Variants in ADAMTS17 observed in about 807,000 individuals in gnomAD.
The protein encoded by ADAMTS17 is ADAM metallopeptidase with thrombospondin type 1 motif 17.
ADAMTS17 carries 113 observed loss-of-function variants against 141.5 expected under a neutral mutation model. That is an observed-to-expected ratio of 0.80 (90% CI 0.69 to 0.93). ADAMTS17 has a LOEUF of 0.93. Among genes scored for constraint, ADAMTS17 ranks in the 40% least tolerant of loss-of-function variants. ADAMTS17 has a pLI of 0.00. For synonymous variants in ADAMTS17, 768 were observed against 630.6 expected, an observed-to-expected ratio of 1.22 and a Z score of -3.27; for missense variants, 1,659 against 1,517.9, an observed-to-expected ratio of 1.09 and a Z score of -1.54.
chr15:100,195,346 C>G (rs559586718), intron 8 of ADAMTS17, among the ~76,000 whole-genome samples: 1 of 152,148 alleles, frequency 6.6e-6, no homozygotes, highest in African/African-American at 2.4e-5. Context: ...AGCTGTTAAT[C>G]GAATGAATCC....
chr15:100,095,727 G>A (rs2035716450), intron 15 of ADAMTS17, among the ~76,000 whole-genome samples: 1 of 152,218 alleles, frequency 6.6e-6, no homozygotes, highest in East Asian at 1.9e-4. Flanking sequence ...TCAGAAAGTT[G>A]TGTCCCATGT....
chr15:100,203,220 T>C (rs369548948), intron 7 of ADAMTS17, among the ~76,000 whole-genome samples: 21 of 152,160 alleles, frequency 1.4e-4, no homozygotes, highest in African/African-American at 5.1e-4. Context: ...ACTCCAACTC[T>C]ACTATACCCC....
At chr15:100,267,105 CTT>C (rs1252942291) in intron 4 of ADAMTS17, among the ~76,000 whole-genome samples, 2 of 152,170 alleles carry the variant, frequency 1.3e-5, no homozygotes, top group East Asian at 3.8e-4. Flanking sequence ...CTCCAGGACT[CTT>C]TTCATCCTCC....
At chr15:100,145,442 A>T (rs1181812474) in intron 10 of ADAMTS17, among the ~76,000 whole-genome samples, 1 of 152,220 alleles carries the variant, frequency 6.6e-6, no homozygotes, top group African/African-American at 2.4e-5. Flanking sequence ...GAAGGCCAAC[A>T]TTGGTTTGAA....
chr15:100,223,400 C>T (rs2042195317), intron 7 of ADAMTS17, among the ~76,000 whole-genome samples: 1 of 152,104 alleles, frequency 6.6e-6, no homozygotes, highest in Non-Finnish European at 1.5e-5. Context: ...CCAGATGCAG[C>T]CTGAGTAACT....
intron 10 of ADAMTS17, among the ~76,000 whole-genome samples, chr15:100,147,241 T>C (rs562374788): frequency 2.3e-4 from 35 of 152,206 alleles, no homozygotes; most frequent in African/African-American, 8.4e-4. Flanking sequence ...TCCCCTTATT[T>C]CTCAAACCAG....
At chr15:100,011,596 G>A (rs1479958177) in intron 18 of ADAMTS17, among the ~76,000 whole-genome samples, 1 of 152,066 alleles carries the variant, frequency 6.6e-6, no homozygotes, top group Non-Finnish European at 1.5e-5. Context: ...TATGTGCCAG[G>A]CAATGTTCTA....
At chr15:100,086,281 C>A (rs1048583714) in intron 15 of ADAMTS17, among the ~76,000 whole-genome samples, 1 of 151,910 alleles carries the variant, frequency 6.6e-6, no homozygotes, top group Non-Finnish European at 1.5e-5. Context: ...GGGATCAATT[C>A]AACAAGAAGA....
intron 18 of ADAMTS17, among the ~76,000 whole-genome samples, chr15:100,016,861 C>T (rs956770153): frequency 2.0e-5 from 3 of 152,224 alleles, no homozygotes; most frequent in Non-Finnish European, 4.4e-5. Context: ...GGAGGTGATG[C>T]TTTCCAGAGA....
intron 10 of ADAMTS17, among the ~76,000 whole-genome samples, chr15:100,142,878 A>G (rs573283599): frequency 6.6e-6 from 1 of 152,356 alleles, no homozygotes; most frequent in African/African-American, 2.4e-5. Flanking sequence ...CTTTGTGCTC[A>G]ATAACATTCT....
chr15:100,191,801 A>G (rs1223825783), intron 8 of ADAMTS17, among the ~76,000 whole-genome samples: 1 of 152,046 alleles, frequency 6.6e-6, no homozygotes, highest in Non-Finnish European at 1.5e-5. Flanking sequence ...AGAGGGGAGG[A>G]AGCAAGAAAT....
chr15:100,239,938 C>T (rs953441925), intron 7 of ADAMTS17, among the ~76,000 whole-genome samples: 1 of 152,144 alleles, frequency 6.6e-6, no homozygotes, highest in African/African-American at 2.4e-5. Flanking sequence ...AGGTGGTCTC[C>T]AGGTGAAAAC....
At chr15:100,274,145 A>T (rs2044002666) in intron 4 of ADAMTS17, among the ~76,000 whole-genome samples, 1 of 152,154 alleles carries the variant, frequency 6.6e-6, no homozygotes, top group African/African-American at 2.4e-5. Flanking sequence ...AGGAAAAAAA[A>T]GTCTTCCATT....
chr15:100,184,454 A>C (rs192253034), intron 8 of ADAMTS17, among the ~76,000 whole-genome samples: 2 of 152,326 alleles, frequency 1.3e-5, no homozygotes, highest in Non-Finnish European at 2.9e-5. Context: ...GTTGTTGAAT[A>C]ATCTCTAGGA....
chr15:100,001,626 T>C (rs1014403749), intron 18 of ADAMTS17, among the ~76,000 whole-genome samples: 4 of 152,006 alleles, frequency 2.6e-5, no homozygotes, highest in African/African-American at 9.7e-5. Context: ...GTGTGAGAAA[T>C]CTCTCTGTAC....
chr15:100,057,856 T>A (rs2032723642), intron 15 of ADAMTS17, among the ~76,000 whole-genome samples: 1 of 152,072 alleles, frequency 6.6e-6, no homozygotes, highest in African/African-American at 2.4e-5. Flanking sequence ...AAACCGTTTC[T>A]CCTGTGACAT....
Position 100,155,320 on chromosome 15 carries a change from G to A in ADAMTS17, c.1182C>T (p.Asn394=). 6.2e-7 allele frequency: 1 copy of A among 1,613,504 alleles called. No homozygotes were observed. Among genetic ancestry groups the A allele is most frequent in the Non-Finnish European group, 8.5e-7 (1 of 1,179,680 alleles). ...GGTCATCGTCGTGGTTCATGCCCAA[G>A]CTGTCCAAGAAGGAGGAGAGAGGGA... ...AFTIAHELGH[N]LGMNHDDDHS... The change falls in exon 9 of 22, where the codon AAC becomes AAT. Residue 394 remains asparagine, a splice_region_variant and synonymous_variant. Transcript: ENST00000268070.
intron 7 of ADAMTS17, among the ~76,000 whole-genome samples, chr15:100,231,565 T>C (rs1428612727): frequency 6.6e-6 from 1 of 152,202 alleles, no homozygotes; most frequent in Non-Finnish European, 1.5e-5. Context: ...TGTAATCAAA[T>C]CCTTTTTCTA....
At chr15:100,239,392 T>C (rs922046941) in intron 7 of ADAMTS17, among the ~76,000 whole-genome samples, 2 of 152,202 alleles carry the variant, frequency 1.3e-5, no homozygotes, top group Non-Finnish European at 2.9e-5. Flanking sequence ...CTGTCAATAA[T>C]GACTGGTGCA....
Sources: gnomAD v4.1 joint callset for allele counts (sites outside exome capture counted in the v4.1 genomes callset) on GRCh38, gnomAD v4.1.1 for gene constraint, MANE v1.5 for transcripts, NCBI Gene and HGNC (gene_info 2026-07-23, HGNC 2026-07-21) for gene names.